Variants in MYO1D observed in about 807,000 individuals in gnomAD.
MYO1D encodes the protein myosin ID.
MYO1D carries 83 observed loss-of-function variants against 122.0 expected under a neutral mutation model. The ratio of observed to expected loss-of-function variants is 0.68; its 90% CI spans 0.57 to 0.82. MYO1D has a LOEUF of 0.82. Ranked by LOEUF, MYO1D falls within the 40% of genes least tolerant of loss-of-function variation. The probability of loss-of-function intolerance (pLI) is 0.00; values close to 1 mark genes in which losing one functional copy is unlikely to be tolerated. For missense variants in MYO1D, 1,157 were observed against 1,269.5 expected (o/e 0.91, Z 1.35); for synonymous variants, 464 against 446.9 (o/e 1.04, Z -0.48).
chr17:32,845,529 G>C (rs915479167), intron 1 of MYO1D, among the ~76,000 whole-genome samples: 1 of 152,094 alleles, frequency 6.6e-6, no homozygotes, highest in East Asian at 1.9e-4. Context: ...AGATGGCAGG[G>C]AAGTATAATT....
Position 32,613,501 on chromosome 17 carries a change from T to C in MYO1D, c.2710-8260A>G, listed in dbSNP as rs569152038. ...AAGAAATACCTCAATATAGGCCAGG[T>C]GCAGTGGCTCACGCCTGTAATCCCA... On this transcript the variant is annotated intron_variant, in intron 20 of 21. Transcript: ENST00000318217. Among the ~76,000 whole-genome samples the C allele has an allele frequency of 1.4e-4, 21 of 152,068 alleles. No individual in the cohort carries two copies. In the East Asian group the frequency reaches 1.6e-3, roughly 11 times the overall value.
At chr17:32,728,487 T>C (rs1227507134) in intron 14 of MYO1D, among the ~76,000 whole-genome samples, 6 of 152,190 alleles carry the variant, frequency 3.9e-5, no homozygotes, top group African/African-American at 1.2e-4. Flanking sequence ...ATTACAGGCA[T>C]GAGCCACCGC....
rs747181107 is a variant in MYO1D, at chr17:32,780,630, C to A, written c.250G>T (p.Ala84Ser). The A allele has an allele frequency of 1.2e-6, 2 of 1,614,136 alleles. No individual in the cohort carries two copies. Among genetic ancestry groups the A allele is most frequent in the East Asian group, 2.2e-5 (1 of 44,882 alleles). ...RPPHLFAIAD[A>S]AYKAMKRRSK... The stretch of plus-strand genomic sequence containing the variant: ...CGCCTCTTCATAGCCTTGTAAGCAG[C>A]ATCCGCAATAGCAAAAAGGTGAGGC... The change falls in exon 2 of 22, where the codon GCT becomes TCT. Residue 84 changes from alanine (A) to serine (S), a missense_variant. Coordinates refer to ENST00000318217, the MANE Select transcript of MYO1D (RefSeq NM_015194.3).
At chr17:32,613,504 A>C (rs1038110463) in intron 20 of MYO1D, among the ~76,000 whole-genome samples, 10 of 152,166 alleles carry the variant, frequency 6.6e-5, no homozygotes, top group Admixed American at 1.3e-4. Flanking sequence ...GGCCAGGTGC[A>C]GTGGCTCACG....
intron 16 of MYO1D, among the ~76,000 whole-genome samples, chr17:32,662,795 A>C (rs2088585011): frequency 6.6e-6 from 1 of 152,182 alleles, no homozygotes; most frequent in Non-Finnish European, 1.5e-5. Flanking sequence ...TAATGGAGTT[A>C]ATACATACGC....
intron 20 of MYO1D, among the ~76,000 whole-genome samples, chr17:32,625,711 T>G (rs1597947141): frequency 6.6e-6 from 1 of 152,096 alleles, no homozygotes; most frequent in South Asian, 2.1e-4. Context: ...TTGTATTTTT[T>G]GTAGAGATGG....
intron 14 of MYO1D, among the ~76,000 whole-genome samples, chr17:32,730,240 T>C (rs1432546245): frequency 3.3e-5 from 5 of 152,094 alleles, no homozygotes; most frequent in African/African-American, 4.8e-5. Flanking sequence ...GAGTTGAACG[T>C]TAAACAATAT....
intron 16 of MYO1D, among the ~76,000 whole-genome samples, chr17:32,679,112 G>T (rs1371539865): frequency 1.2e-4 from 18 of 152,134 alleles, no homozygotes; most frequent in East Asian, 9.7e-4. Flanking sequence ...GGTTGTTTGT[G>T]TTTTTCTTGT....
intron 13 of MYO1D, among the ~76,000 whole-genome samples, chr17:32,741,101 G>C (rs368203175): frequency 5.3e-5 from 8 of 151,978 alleles, no homozygotes; most frequent in African/African-American, 1.9e-4. Context: ...AGTGGTGCAT[G>C]CCTGTACCCC....
Position 32,780,463 on chromosome 17 carries a change from T to C in MYO1D, c.304+113A>G, listed in dbSNP as rs2090223346. 6.9e-6 allele frequency: 7 copies of C among 1,016,838 alleles called. 1 individual carries two copies. Among genetic ancestry groups the C allele is most frequent in the Admixed American group, 6.2e-5 (3 of 48,628 alleles). The allele number at this position is 1,016,838 out of a possible 1,614,324, so 63.0% of individuals were successfully genotyped here. A position where few individuals can be genotyped will look rare whatever the true frequency, so the allele number is the denominator to read the frequency against. The stretch of plus-strand genomic sequence containing the variant: ...CATCACTTTTCTCTCTCCTATAGAA[T>C]TGCTCAGGCTTCTACCTTTAAAAAA... On this transcript the variant is annotated intron_variant, in intron 2 of 21. Transcript: ENST00000318217.
At position 32,527,112 on chromosome 17, in the gene MYO1D, C is replaced by T. The variant is rs564373049; in HGVS notation, c.2865-32197G>A. Reference sequence around the variant, plus strand: ...ACCACAGTGGGGTCTTTCCCCGGCCCGCCATCACCAGTGAAGGGGGACAGC... The same window carrying T: ...ACCACAGTGGGGTCTTTCCCCGGCCTGCCATCACCAGTGAAGGGGGACAGC... On this transcript the variant is annotated intron_variant, in intron 21 of 21. Transcript: ENST00000318217. Among the ~76,000 whole-genome samples the T allele has an allele frequency of 2.5e-4, 38 of 152,314 alleles. 1 individual carries two copies. The highest frequency in any genetic ancestry group is 7.7e-4 in the African/African-American group (32 of 41,580).
At chr17:32,698,753 T>C (rs570616383) in intron 16 of MYO1D, among the ~76,000 whole-genome samples, 1 of 152,280 alleles carries the variant, frequency 6.6e-6, no homozygotes, top group African/African-American at 2.4e-5. Flanking sequence ...ATTTACTATT[T>C]TCATTATATG....
chr17:32,865,130 A>G (rs930292287), intron 1 of MYO1D, among the ~76,000 whole-genome samples: 4 of 152,252 alleles, frequency 2.6e-5, no homozygotes, highest in African/African-American at 9.6e-5. Flanking sequence ...AAGCTGATAT[A>G]TGACCAATGA....
chr17:32,659,492 T>A, intron 16 of MYO1D, 154 bp from the exon 17 acceptor site: 3 of 667,852 alleles, frequency 4.5e-6, no homozygotes, highest in Non-Finnish European at 5.1e-6. Flanking sequence ...CAGTTCCACC[T>A]GCCACCAACA....
At chr17:32,549,475 G>T (rs1597890716) in intron 21 of MYO1D, among the ~76,000 whole-genome samples, 1 of 152,330 alleles carries the variant, frequency 6.6e-6, no homozygotes, top group East Asian at 1.9e-4. Flanking sequence ...GAAAATGTTA[G>T]CGAGGTCATA....
chr17:32,572,201 A>G (rs1197963993), intron 21 of MYO1D, among the ~76,000 whole-genome samples: 1 of 141,112 alleles, frequency 7.1e-6, no homozygotes, highest in Non-Finnish European at 1.5e-5. Context: ...TGATGCCAGT[A>G]TCTCCACCTT....
At chr17:32,769,416 T>C (rs2090092016) in intron 6 of MYO1D, among the ~76,000 whole-genome samples, 1 of 152,138 alleles carries the variant, frequency 6.6e-6, no homozygotes, top group Middle Eastern at 3.2e-3. Flanking sequence ...TATCTCAGAG[T>C]TTCTTGTTAT....
chr17:32,527,838 C>CTT (rs35009377), intron 21 of MYO1D, among the ~76,000 whole-genome samples: 1 of 134,856 alleles, frequency 7.4e-6, no homozygotes, highest in Non-Finnish European at 1.6e-5. Context: ...AGCAAAACAA[C>CTT]TTTTTTTTTT....
rs559098623 is a variant in MYO1D at position 32,693,253 on chromosome 17, T to G, written c.2121+18735A>C. 5.3e-5 allele frequency among the ~76,000 whole-genome samples: 8 copies of G among 151,490 alleles called. No individual in the cohort carries two copies. The South Asian group carries it at 1.5e-3, about 28-fold the overall frequency. On this transcript the variant is annotated intron_variant, in intron 16 of 21. Coordinates refer to ENST00000318217, the MANE Select transcript of MYO1D (RefSeq NM_015194.3). ...GAAAAGTGAAATGAATATGTAGCCA[T>G]TTTTTTTTCCTTCCTTTTTTTCCTA... is the stretch of plus-strand genomic sequence containing the variant.
Sources: allele counts gnomAD v4.1 joint callset (sites outside exome capture counted in the v4.1 genomes callset), GRCh38; gene constraint gnomAD v4.1.1; transcripts MANE v1.5; gene names NCBI Gene and HGNC (gene_info 2026-07-23, HGNC 2026-07-21).